DOCK7: variants seen among roughly 807,000 people sequenced by gnomAD.
DOCK7 encodes the protein dedicator of cytokinesis 7.
A neutral mutation model predicts 271.0 loss-of-function variants in DOCK7; 138 were observed. The observed-to-expected ratio is 0.51, with a 90% CI of 0.44 to 0.59. The LOEUF is 0.59. DOCK7 is among the 20% of genes least tolerant of loss of function. The pLI, the probability that DOCK7 is intolerant of heterozygous loss-of-function variation, is 0.00. For synonymous variants in DOCK7, 823 were observed against 876.1 expected, an observed-to-expected ratio of 0.94 and a Z score of 1.07; for missense variants, 2,066 against 2,592.4, an observed-to-expected ratio of 0.80 and a Z score of 4.41.
chr1:62,633,580 T>C lies in DOCK7; in HGVS notation c.1036-2A>G, dbSNP rs1654887869. On this transcript the variant is annotated splice_acceptor_variant, in intron 9 of 49. Coordinates refer to ENST00000635253, the MANE Select transcript of DOCK7 (RefSeq NM_001367561.1). LOFTEE classifies it high-confidence loss of function. ...TCCTTGCTGTAGGACTTTTTCTAGC[T>C]GTCAAAGGCAAAAAAAGTTAAGATT... 6.2e-7 allele frequency: 1 copy of C among 1,609,672 alleles called. No individual in the cohort carries two copies. Among genetic ancestry groups the C allele is most frequent in the Non-Finnish European group, 8.5e-7 (1 of 1,177,558 alleles).
At chr1:62,552,922 G>A in intron 21 of DOCK7, 21 bp from the exon 22 acceptor site, 1 of 1,460,896 alleles carries the variant, frequency 6.8e-7, no homozygotes. Flanking sequence ...ATATGAAATA[G>A]CACATAATTA....
chr1:62,488,854 T>G (rs1409535348), intron 42 of DOCK7, 80 bp downstream of exon 42: 1 of 1,566,800 alleles, frequency 6.4e-7, no homozygotes. Context: ...GGGATCTAGT[T>G]TGACATCAGT....
At chr1:62,471,091 T>G (rs1645818207) in intron 48 of DOCK7, among the ~76,000 whole-genome samples, 1 of 152,212 alleles carries the variant, frequency 6.6e-6, no homozygotes, top group Admixed American at 6.5e-5. Context: ...CTCTTCCTTA[T>G]GATTTTCTTA....
chr1:62,499,937 G>GA (rs11409086), intron 37 of DOCK7, among the ~76,000 whole-genome samples: 55,390 of 147,676 alleles, frequency 0.38, 10,686 homozygotes, highest in African/African-American at 0.49. Context: ...AAACTGTTCT[G>GA]AAAAAAAAAA....
intron 18 of DOCK7, among the ~76,000 whole-genome samples, chr1:62,570,214 C>T (rs534073309): frequency 1.2e-4 from 18 of 152,282 alleles, no homozygotes; most frequent in Admixed American, 1.1e-3. Context: ...TCTCAGGATA[C>T]AAAATCAATG....
At chr1:62,688,115 G>T in intron 1 of DOCK7, 112 bp downstream of exon 1, 1 of 1,168,160 alleles carries the variant, frequency 8.6e-7, no homozygotes, top group South Asian at 3.9e-5. Context: ...CCAGGCCGCG[G>T]GATCCCGGTG....
intron 31 of DOCK7, among the ~76,000 whole-genome samples, chr1:62,517,543 C>A (rs1370111277): frequency 6.6e-6 from 1 of 152,012 alleles, no homozygotes; most frequent in South Asian, 2.1e-4. Flanking sequence ...TGCAGTGAGC[C>A]GAGATTGCGC....
chr1:62,625,190 T>C (rs1331339468), intron 12 of DOCK7, 69 bp downstream of exon 12: 2 of 1,541,134 alleles, frequency 1.3e-6, no homozygotes, highest in Non-Finnish European at 1.8e-6. Flanking sequence ...GTACAATCAC[T>C]ACCTTTCTGA....
At chr1:62,646,090 T>C (rs146699011) in intron 7 of DOCK7, among the ~76,000 whole-genome samples, 1,856 of 145,604 alleles carry the variant, frequency 0.013, 15 homozygotes, top group Middle Eastern at 0.019. Flanking sequence ...GAGGTTGCAG[T>C]AAGCCGAGAT....
At chr1:62,470,898 G>A (rs1645811572) in intron 48 of DOCK7, among the ~76,000 whole-genome samples, 1 of 152,028 alleles carries the variant, frequency 6.6e-6, no homozygotes, top group Non-Finnish European at 1.5e-5. Flanking sequence ...GTTATACTGA[G>A]TGTGCTTGCC....
At chr1:62,629,061 C>T (rs1403064600) in intron 11 of DOCK7, 1 of 152,154 alleles carries the variant, frequency 6.6e-6, no homozygotes, top group Non-Finnish European at 1.5e-5. Flanking sequence ...AGAATGACTA[C>T]AATCAAAGAG....
Position 62,636,600 on chromosome 1 carries a change from A to C in DOCK7, c.822T>G (p.Phe274Leu), listed in dbSNP as rs1655304411. The change falls in exon 8 of 50, where the codon TTT becomes TTG. Residue 274 changes from phenylalanine (F) to leucine (L), a missense_variant. Phe to Leu is a conservative substitution (Grantham distance 22). Coordinates refer to ENST00000635253, the MANE Select transcript of DOCK7 (RefSeq NM_001367561.1). Reference sequence around the variant, plus strand: ...CAAAAATGGGTTCAATTTCAATTTCAAACCTTTATGAAGAAAAAGGATAAA... The same window carrying C: ...CAAAAATGGGTTCAATTTCAATTTCCAACCTTTATGAAGAAAAAGGATAAA... ...RLLVKCLSLK[F>L]EIEIEPIFAS... 17 of 1,596,042 alleles carry C rather than the reference A, an allele frequency of 1.1e-5. No individual in the cohort carries two copies. The highest frequency in any genetic ancestry group is 1.5e-5 in the Non-Finnish European group (17 of 1,168,472).
rs775716298 is a variant in DOCK7, at chr1:62,553,309, A to AT, written c.2597-409dup. Among the ~76,000 whole-genome samples the AT allele has an allele frequency of 3.5e-3, 121 of 34,502 alleles. 4 individuals carry two copies. The highest frequency in any genetic ancestry group is 6.0e-3 in the Non-Finnish European group (101 of 16,828). 22.6% of individuals were successfully genotyped at this position (34,502 alleles called of 152,430 possible). On this transcript the variant is annotated intron_variant, in intron 21 of 49. Transcript: ENST00000635253. The stretch of plus-strand genomic sequence containing the variant: ...AGGCAGGGTCTTCTAAATAAAAAGT[A>AT]TTTTATATATATATATATATATATA...
intron 18 of DOCK7, among the ~76,000 whole-genome samples, chr1:62,571,035 A>G (rs1053851659): frequency 3.6e-4 from 55 of 152,214 alleles, no homozygotes; most frequent in African/African-American, 1.3e-3. Context: ...CAATTCCAAC[A>G]AAAGCAAAAA....
chr1:62,584,311 A>G, intron 15 of DOCK7: 7 of 982,044 alleles, frequency 7.1e-6, no homozygotes, highest in Non-Finnish European at 7.3e-6. Flanking sequence ...GTATGTTTTC[A>G]TAAATTGTTC....
chr1:62,508,876 ATT>A (rs1379642512), intron 34 of DOCK7, among the ~76,000 whole-genome samples: 7 of 152,280 alleles, frequency 4.6e-5, no homozygotes, highest in Non-Finnish European at 8.8e-5. Context: ...TATAGTTGAG[ATT>A]TTTGTTTTAG....
At chr1:62,560,547 T>C (rs1015779687) in intron 19 of DOCK7, among the ~76,000 whole-genome samples, 1 of 152,120 alleles carries the variant, frequency 6.6e-6, no homozygotes, top group Non-Finnish European at 1.5e-5. Flanking sequence ...AGGGTAGAAA[T>C]TACCATCCAC....
intron 12 of DOCK7, 51 bp downstream of exon 12, chr1:62,625,208 A>C (rs1653788360): frequency 6.3e-7 from 1 of 1,596,842 alleles, no homozygotes; most frequent in African/African-American, 1.3e-5. Flanking sequence ...TGAAATTAAA[A>C]AAATTTATGC....
At chr1:62,534,379 C>T (rs981471070) in intron 29 of DOCK7, among the ~76,000 whole-genome samples, 3 of 151,714 alleles carry the variant, frequency 2.0e-5, no homozygotes, top group African/African-American at 4.8e-5. Flanking sequence ...GCTGGGAGGC[C>T]GAGGCGGGCT....
Sources: gnomAD v4.1 joint callset for allele counts (sites outside exome capture counted in the v4.1 genomes callset) on GRCh38, gnomAD v4.1.1 for gene constraint, MANE v1.5 for transcripts, NCBI Gene and HGNC (gene_info 2026-07-23, HGNC 2026-07-21) for gene names.